LTBP1: variants seen among roughly 807,000 people sequenced by gnomAD.
LTBP1 encodes latent transforming growth factor beta binding protein 1, also known as latent-transforming growth factor beta-binding protein 1.
Under a neutral mutation model 207.6 loss-of-function variants are expected in LTBP1, and 129 were observed. The observed-to-expected ratio is 0.62, with a 90% CI of 0.54 to 0.72. The LOEUF (loss-of-function observed/expected upper bound fraction) is 0.72. LTBP1 is among the 30% of genes least tolerant of loss of function. The pLI is 0.00. For synonymous variants in LTBP1, 963 were observed against 833.7 expected (o/e 1.16, Z -2.67); for missense variants, 2,281 against 2,217.2 (o/e 1.03, Z -0.58).
At chr2:33,293,105 C>A in intron 19 of LTBP1, 55 bp from the exon 20 acceptor site, 1 of 1,569,390 alleles carries the variant, frequency 6.4e-7, no homozygotes, top group Non-Finnish European at 8.7e-7. Context: ...TTAACTTTAT[C>A]CATGTTTTCT....
At chr2:32,948,096 C>T (rs1676537030) in intron 1 of LTBP1, among the ~76,000 whole-genome samples, 2 of 152,210 alleles carry the variant, frequency 1.3e-5, no homozygotes, top group African/African-American at 2.4e-5. Flanking sequence ...ACCTTCTGCG[C>T]GCAAACCCAA....
At chr2:33,064,348 C>A (rs1276361265) in intron 3 of LTBP1, among the ~76,000 whole-genome samples, 1 of 152,156 alleles carries the variant, frequency 6.6e-6, no homozygotes, top group Non-Finnish European at 1.5e-5. Flanking sequence ...TTTTATCTTG[C>A]TTGCAGGCTA....
At chr2:33,094,602 A>G (rs888962522) in intron 3 of LTBP1, among the ~76,000 whole-genome samples, 1 of 152,208 alleles carries the variant, frequency 6.6e-6, no homozygotes, top group Non-Finnish European at 1.5e-5. Flanking sequence ...CATGAGTTAC[A>G]GATAAGGTCT....
chr2:33,119,724 AT>A (rs1314156169), intron 4 of LTBP1, among the ~76,000 whole-genome samples: 2 of 151,854 alleles, frequency 1.3e-5, no homozygotes, highest in African/African-American at 2.4e-5. Flanking sequence ...CGCCTGGCTA[AT>A]TTTTTTGTAT....
intron 24 of LTBP1, among the ~76,000 whole-genome samples, chr2:33,338,390 A>C (rs1262589822): frequency 6.6e-6 from 1 of 152,194 alleles, no homozygotes; most frequent in Admixed American, 6.5e-5. Flanking sequence ...ATAAAAAGGA[A>C]AGCAAGGATG....
intron 7 of LTBP1, among the ~76,000 whole-genome samples, chr2:33,191,164 T>C (rs1042236586): frequency 6.6e-6 from 1 of 152,128 alleles, no homozygotes; most frequent in Admixed American, 6.6e-5. Flanking sequence ...GGAACACAGA[T>C]GATAAAAAGC....
At chr2:33,009,870 G>A (rs1160770773) in intron 2 of LTBP1, among the ~76,000 whole-genome samples, 1 of 152,200 alleles carries the variant, frequency 6.6e-6, no homozygotes, top group Non-Finnish European at 1.5e-5. Context: ...ATACCCACAT[G>A]GAGGCATCGA....
intron 2 of LTBP1, among the ~76,000 whole-genome samples, chr2:33,015,228 A>C (rs781694243): frequency 6.6e-6 from 1 of 152,226 alleles, no homozygotes; most frequent in Non-Finnish European, 1.5e-5. Flanking sequence ...ATGTCACTGC[A>C]GACTTTGTGT....
chr2:33,319,071 G>A (rs905536629), intron 24 of LTBP1, among the ~76,000 whole-genome samples: 9 of 152,150 alleles, frequency 5.9e-5, no homozygotes, highest in Non-Finnish European at 2.9e-5. Context: ...CTGTACTCCA[G>A]CCTGCGTGAC....
intron 5 of LTBP1, among the ~76,000 whole-genome samples, chr2:33,149,712 G>A (rs888501606): frequency 6.6e-6 from 1 of 152,192 alleles, no homozygotes; most frequent in East Asian, 1.9e-4. Flanking sequence ...ATGACAAATG[G>A]GAAACCGTTT....
intron 3 of LTBP1, among the ~76,000 whole-genome samples, chr2:33,099,786 C>T (rs952991908): frequency 1.3e-5 from 2 of 152,176 alleles, no homozygotes; most frequent in Admixed American, 1.3e-4. Context: ...TTATCCTTGA[C>T]TCTGTGGGTG....
At position 33,187,079 on chromosome 2, in the gene LTBP1, A is replaced by G. The variant is rs2087286137; in HGVS notation, c.1425A>G (p.Lys475=). Residue 475 remains lysine, a splice_region_variant and synonymous_variant, in exon 6 of 34, where the codon AAA becomes AAG. Transcript: ENST00000404816. ...CCGTGACTAGCCAGCAAGGAGTCAA[A>G]GGTAAGCTTTTTTCATTCCGCCCAT... ...PLTVTSQQGV[K]VKFPPNIVNI... is the part of the protein sequence containing the mutation. The G allele has an allele frequency of 6.2e-7, 1 of 1,613,162 alleles. No homozygotes were observed. The highest frequency in any genetic ancestry group is 2.2e-5 in the East Asian group (1 of 44,850).
chr2:33,231,324 A>G (rs1441619911), intron 9 of LTBP1, among the ~76,000 whole-genome samples: 1 of 152,236 alleles, frequency 6.6e-6, no homozygotes, highest in Non-Finnish European at 1.5e-5. Flanking sequence ...AGGCACAAGA[A>G]TACTCATTAC....
intron 3 of LTBP1, among the ~76,000 whole-genome samples, chr2:33,041,629 A>C (rs1047902362): frequency 2.0e-5 from 3 of 152,366 alleles, no homozygotes; most frequent in Admixed American, 2.0e-4. Context: ...GGAATGGAGC[A>C]CATGATAAAT....
At chr2:33,047,880 G>A (rs1490313682) in intron 3 of LTBP1, among the ~76,000 whole-genome samples, 4 of 151,894 alleles carry the variant, frequency 2.6e-5, no homozygotes, top group Admixed American at 1.3e-4. Flanking sequence ...GCCCTTCTTT[G>A]TCTTTTTTGA....
chr2:33,349,198 C>G (rs1405616112), intron 26 of LTBP1, among the ~76,000 whole-genome samples: 1 of 152,176 alleles, frequency 6.6e-6, no homozygotes, highest in Non-Finnish European at 1.5e-5. Flanking sequence ...CGCCTGTAAT[C>G]CCAACACTTT....
intron 10 of LTBP1, among the ~76,000 whole-genome samples, chr2:33,252,373 A>G (rs566588286): frequency 6.6e-6 from 1 of 152,186 alleles, no homozygotes; most frequent in Non-Finnish European, 1.5e-5. Flanking sequence ...TTATTTGGAA[A>G]GGTGGGTTTT....
At chr2:33,319,137 C>A (rs890510393) in intron 24 of LTBP1, among the ~76,000 whole-genome samples, 1 of 152,158 alleles carries the variant, frequency 6.6e-6, no homozygotes, top group African/African-American at 2.4e-5. Flanking sequence ...GTGGTTCACG[C>A]CTGTAATCCC....
Position 33,393,977 on chromosome 2 carries a change from C to A in LTBP1, c.4835-3156C>A, listed in dbSNP as rs817205. Among the ~76,000 whole-genome samples the A allele has an allele frequency of 1.9e-4, 27 of 141,956 alleles. 1 individual carries two copies. 93.1% of individuals were successfully genotyped at this position (141,956 alleles called of 152,430 possible). ...TGTTGTTTCCTGACTTTTTAATGAT[C>A]GCCATTGTAATTGGTGTGAGATGGT... On this transcript the variant is annotated intron_variant, in intron 32 of 33. Coordinates refer to ENST00000404816, the MANE Select transcript of LTBP1 (RefSeq NM_206943.4).
Sources: gnomAD v4.1 joint callset for allele counts (sites outside exome capture counted in the v4.1 genomes callset) on GRCh38, gnomAD v4.1.1 for gene constraint, MANE v1.5 for transcripts, NCBI Gene and HGNC (gene_info 2026-07-23, HGNC 2026-07-21) for gene names.